Variants in TRIM60 observed in about 807,000 individuals in gnomAD.
TRIM60 encodes the protein tripartite motif containing 60.
For synonymous variants in TRIM60, 189 were observed against 195.2 expected, an observed-to-expected ratio of 0.97 and a Z score of 0.27; for missense variants, 524 against 540.8, an observed-to-expected ratio of 0.97 and a Z score of 0.31.
intron 2 of TRIM60, chr4:165,039,543 A>G (rs981007596): frequency 6.6e-6 from 1 of 152,622 alleles, no homozygotes; most frequent in Admixed American, 6.5e-5. Context: ...TCACGCCTGT[A>G]ATCCCAGCAC....
rs200252410 is a variant in TRIM60 at position 165,040,468 on chromosome 4, T to C, written c.396T>C (p.Pro132=). The change falls in exon 3 of 3, where the codon CCT becomes CCC. Residue 132 remains proline (P), a synonymous_variant. Coordinates refer to ENST00000512596, the MANE Select transcript of TRIM60 (RefSeq NM_152620.3). The part of the protein sequence containing the change: ...STKHQKHYIC[P]IKKAASYHRE... ...AACACCAGAAGCACTACATTTGCCC[T>C]ATTAAGAAAGCTGCCTCTTATCACA... 3.7e-6 allele frequency: 6 copies of C among 1,614,206 alleles called. No individual in the cohort carries two copies. In the East Asian group the frequency reaches 1.1e-4, roughly 30 times the overall value.
intron 1 of TRIM60, among the ~76,000 whole-genome samples, chr4:165,035,915 G>A (rs1579179241): frequency 6.6e-6 from 1 of 152,080 alleles, no homozygotes; most frequent in East Asian, 1.9e-4. Flanking sequence ...TAGAGACAGG[G>A]TTTCATCATG....
At position 165,040,782 on chromosome 4, in the gene TRIM60, T is replaced by C. The variant is rs1733741860; in HGVS notation, c.710T>C (p.Val237Ala). The C allele has an allele frequency of 6.2e-7, 1 of 1,613,908 alleles. No homozygotes were observed. ...ACATTAAAACATCTACTGAGGGAGG[T>C]AGAGGGCAAGTCTGTGCAGTCAAAC... is the stretch of plus-strand genomic sequence containing the variant. ...VSTLKHLLRE[V>A]EGKSVQSNLE... The change falls in exon 3 of 3, where the codon GTA becomes GCA. Residue 237 changes from valine (V) to alanine (A), a missense_variant. Physicochemically the swap from Val to Ala is moderately conservative, Grantham distance 64. Transcript: ENST00000512596.
At chr4:165,036,165 G>C (rs56118433) in intron 1 of TRIM60, among the ~76,000 whole-genome samples, 6 of 152,170 alleles carry the variant, frequency 3.9e-5, no homozygotes, top group Non-Finnish European at 5.9e-5. Flanking sequence ...TAGGCCTGCT[G>C]TGCTCATTCT....
intron 1 of TRIM60, among the ~76,000 whole-genome samples, chr4:165,033,252 A>G (rs1296295626): frequency 6.6e-6 from 1 of 152,294 alleles, no homozygotes; most frequent in East Asian, 1.9e-4. Context: ...CAAGATCTCA[A>G]GCAGTAGAGG....
rs1313786437 is a variant in TRIM60 at position 165,040,926 on chromosome 4, G to T, written c.854G>T (p.Gly285Val). 1 of 1,613,558 alleles carries T rather than the reference G, an allele frequency of 6.2e-7. No homozygotes were observed. Among genetic ancestry groups the T allele is most frequent in the Non-Finnish European group, 8.5e-7 (1 of 1,179,716 alleles). The change falls in exon 3 of 3, where the codon GGC becomes GTC. Residue 285 changes from glycine (G) to valine (V), a missense_variant. Physicochemically the swap from Gly to Val is moderately radical, Grantham distance 109 (BLOSUM62 -3). Transcript: ENST00000512596. ...TTCAGTCTTCCTCCTCAATATTCTG[G>T]CTTGGACAGAATTATCAAGCCATTT... ...YGFSLPPQYS[G>V]LDRIIKPFQV...
chr4:165,035,372 T>C (rs188714463), intron 1 of TRIM60, among the ~76,000 whole-genome samples: 42 of 152,192 alleles, frequency 2.8e-4, no homozygotes, highest in African/African-American at 9.4e-4. Context: ...CCAACAATTA[T>C]GGTTTATTAT....
intron 1 of TRIM60, among the ~76,000 whole-genome samples, chr4:165,037,067 G>A (rs1372058431): frequency 2.0e-5 from 3 of 151,554 alleles, no homozygotes; most frequent in Admixed American, 6.6e-5. Context: ...GCCAGGCGTG[G>A]TGGTGTGTGC....
At chr4:165,032,912 C>T (rs752548991) in intron 1 of TRIM60, among the ~76,000 whole-genome samples, 12 of 152,006 alleles carry the variant, frequency 7.9e-5, no homozygotes, top group Non-Finnish European at 1.8e-4. Context: ...AGGAGCCAGG[C>T]GCGGTGGCTC....
rs376935559 is a variant in TRIM60 at position 165,040,620 on chromosome 4, T to C, written c.548T>C (p.Ile183Thr). Residue 183 changes from isoleucine (I) to threonine (T), a missense_variant, in exon 3 of 3, where the codon ATA becomes ACA. Physicochemically the swap from Ile to Thr is moderately conservative, Grantham distance 89 (BLOSUM62 -1). Transcript: ENST00000512596. ...KKKVEYKREE[I>T]NSEFEQIRLF... is the part of the protein sequence containing the mutation. ...AAGGTAGAATATAAGAGGGAAGAAA[T>C]AAATTCTGAGTTTGAGCAAATAAGA... is the stretch of plus-strand genomic sequence containing the variant. 1.2e-5 allele frequency: 19 copies of C among 1,613,910 alleles called. No homozygotes were observed. Among genetic ancestry groups the C allele is most frequent in the Non-Finnish European group, 1.3e-5 (15 of 1,179,998 alleles).
intron 1 of TRIM60, among the ~76,000 whole-genome samples, chr4:165,037,043 A>C (rs1733637242): frequency 6.6e-6 from 1 of 151,608 alleles, no homozygotes; most frequent in Non-Finnish European, 1.5e-5. Flanking sequence ...TCTCTACTAA[A>C]AATACAAAAA....
At chr4:165,032,787 T>A (rs910746563) in intron 1 of TRIM60, among the ~76,000 whole-genome samples, 1 of 152,214 alleles carries the variant, frequency 6.6e-6, no homozygotes. Flanking sequence ...TTAGGCTCAC[T>A]TACGTTTCGT....
In TRIM60 at chr4:165,040,989, C is replaced by T; in HGVS notation, c.917C>T (p.Pro306Leu). ...ATTCTAGATCTCAACACAGCACATC[C>T]TCAACTTCTTGTCTCTGAGGATAGA... ...DVILDLNTAH[P>L]QLLVSEDRKA... The change falls in exon 3 of 3, where the codon CCT (proline) becomes CTT (leucine). Residue 306 changes from proline to leucine, a missense_variant. Coordinates refer to ENST00000512596, the MANE Select transcript of TRIM60 (RefSeq NM_152620.3). 6.2e-7 allele frequency: 1 copy of T among 1,614,062 alleles called. No individual in the cohort carries two copies. Among genetic ancestry groups the T allele is most frequent in the Non-Finnish European group, 8.5e-7 (1 of 1,179,938 alleles).
Position 165,037,351 on chromosome 4 carries a change from G to T in TRIM60, c.-56-1850G>T, listed in dbSNP as rs1733643449. On this transcript the variant is annotated intron_variant, in intron 1 of 2. Coordinates refer to ENST00000512596, the MANE Select transcript of TRIM60 (RefSeq NM_152620.3). ...TTTTGTTTTGTTTTGTTTTTGCTAA[G>T]TCTCGCTTTGTTGCCAGGCTGGAGT... Among the ~76,000 whole-genome samples, 4 of 152,018 alleles carry T rather than the reference G, an allele frequency of 2.6e-5. No homozygotes were observed. The South Asian group carries it at 8.3e-4, about 32-fold the overall frequency.
intron 1 of TRIM60, among the ~76,000 whole-genome samples, chr4:165,036,881 CAAAAAAAA>C (rs58526101): frequency 1.3e-5 from 1 of 76,256 alleles, no homozygotes; most frequent in African/African-American, 4.0e-5. Flanking sequence ...GACTCTGTCT[CAAAAAAAA>C]AAAAAAAGAA....
chr4:165,032,832 C>T (rs1296779588), intron 1 of TRIM60, among the ~76,000 whole-genome samples: 1 of 152,114 alleles, frequency 6.6e-6, no homozygotes, highest in Admixed American at 6.5e-5. Context: ...ATCTTGAGAT[C>T]TGGGAATCTC....
intron 1 of TRIM60, among the ~76,000 whole-genome samples, chr4:165,036,816 G>T (rs1039524631): frequency 6.6e-6 from 1 of 151,664 alleles, no homozygotes; most frequent in Non-Finnish European, 1.5e-5. Flanking sequence ...GGGAGGCAGA[G>T]GTTGCAGTGA....
rs1733738010 is a variant in TRIM60 at position 165,040,694 on chromosome 4, G to A, written c.622G>A (p.Glu208Lys). The change falls in exon 3 of 3, where the codon GAA becomes AAA. Residue 208 changes from glutamate (E) to lysine (K), a missense_variant. Physicochemically the swap from Glu to Lys is moderately conservative, Grantham distance 56. Transcript: ENST00000512596. ...QEMILRQIQD[E>K]EMNILAKLNE... ...GATGATTCTTAGGCAGATACAAGAT[G>A]AAGAGATGAACATTTTAGCAAAACT... 1 of 1,613,694 alleles carries A rather than the reference G, an allele frequency of 6.2e-7. No individual in the cohort carries two copies. Among genetic ancestry groups the A allele is most frequent in the Non-Finnish European group, 8.5e-7 (1 of 1,179,950 alleles).
intron 1 of TRIM60, among the ~76,000 whole-genome samples, chr4:165,038,049 G>A (rs924043925): frequency 3.3e-5 from 5 of 152,156 alleles, no homozygotes; most frequent in African/African-American, 1.2e-4. Context: ...TAAAGAGATG[G>A]GATAGTGAGA....
Sources: gnomAD v4.1 joint callset for allele counts (sites outside exome capture counted in the v4.1 genomes callset) on GRCh38, gnomAD v4.1.1 for gene constraint, MANE v1.5 for transcripts, NCBI Gene and HGNC (gene_info 2026-07-23, HGNC 2026-07-21) for gene names.